Variants in EDAR observed in about 807,000 individuals in gnomAD.
The protein encoded by EDAR is tumor necrosis factor receptor superfamily member EDAR.
In EDAR, 38 loss-of-function variants were observed where a neutral mutation model predicts 51.3. The observed-to-expected ratio is 0.74, with a 90% CI of 0.57 to 0.97. The LOEUF (loss-of-function observed/expected upper bound fraction) is 0.97, where lower values mean the gene tolerates loss of function less well. EDAR is among the 50% of genes least tolerant of loss of function. The probability of loss-of-function intolerance (pLI) is 0.00; values close to 1 mark genes in which losing one functional copy is unlikely to be tolerated. For missense variants in EDAR, 528 were observed against 595.0 expected (o/e 0.89, Z 1.17); for synonymous variants, 227 against 242.1 (o/e 0.94, Z 0.58).
At chr2:108,918,454 TC>T (rs1316075274) in intron 5 of EDAR, among the ~76,000 whole-genome samples, 2 of 152,176 alleles carry the variant, frequency 1.3e-5, no homozygotes, top group Non-Finnish European at 1.5e-5. Flanking sequence ...CGGGTCCATC[TC>T]CCCTTGTACA....
chr2:108,914,509 G>A (rs1356762509), intron 5 of EDAR, among the ~76,000 whole-genome samples: 2 of 152,110 alleles, frequency 1.3e-5, no homozygotes, highest in Admixed American at 6.6e-5. Context: ...GTGACTTAGC[G>A]GGGATAAAAT....
chr2:108,957,077 G>A (rs1474049062), intron 1 of EDAR, among the ~76,000 whole-genome samples: 3 of 152,232 alleles, frequency 2.0e-5, no homozygotes, highest in East Asian at 1.9e-4. Flanking sequence ...GGCGTGAGCC[G>A]CCACGCCCAG....
chr2:108,950,508 A>T (rs1203974439), intron 1 of EDAR, among the ~76,000 whole-genome samples: 2 of 152,202 alleles, frequency 1.3e-5, no homozygotes, highest in Non-Finnish European at 2.9e-5. Flanking sequence ...ACAAGGCCAG[A>T]TCAACCAGGG....
At chr2:108,905,110 A>C (rs1696775602) in intron 11 of EDAR, among the ~76,000 whole-genome samples, 1 of 152,196 alleles carries the variant, frequency 6.6e-6, no homozygotes, top group African/African-American at 2.4e-5. Context: ...TAATTACATC[A>C]GGGTGTTTGG....
At chr2:108,925,031 C>A (rs1467248799) in intron 4 of EDAR, among the ~76,000 whole-genome samples, 1 of 152,244 alleles carries the variant, frequency 6.6e-6, no homozygotes, top group Non-Finnish European at 1.5e-5. Context: ...GCCCTTGCCT[C>A]CTCCACCTTT....
intron 1 of EDAR, among the ~76,000 whole-genome samples, chr2:108,966,912 C>T (rs1330757930): frequency 6.6e-6 from 1 of 152,110 alleles, no homozygotes; most frequent in Non-Finnish European, 1.5e-5. Flanking sequence ...GGGGTTTGTC[C>T]CAAAGACCAG....
chr2:108,985,388 G>A (rs754147330), intron 1 of EDAR, among the ~76,000 whole-genome samples: 16 of 152,368 alleles, frequency 1.1e-4, no homozygotes, highest in South Asian at 2.1e-4. Context: ...CTGATTGACC[G>A]TGAAGTGAGT....
intron 1 of EDAR, among the ~76,000 whole-genome samples, chr2:108,968,828 C>T (rs1296160367): frequency 6.6e-6 from 1 of 152,144 alleles, no homozygotes; most frequent in Admixed American, 6.5e-5. Flanking sequence ...TCTCCAGGGG[C>T]GTGTACCTGA....
In EDAR at chr2:108,912,719, G is replaced by A. The variant is rs910833939; in HGVS notation, c.488C>T (p.Ser163Leu). ...GAAGGGAGACAGGGTGCTGCTGCCC[G>A]AGGTGCCAGGGAAGTTGGCAGAAGC... ...SGASANFPGT[S>L]GSSTLSPFQH... Residue 163 changes from serine (S) to leucine (L), a missense_variant, in exon 6 of 12, where the codon TCG (serine) becomes TTG (leucine). Ser to Leu is a moderately radical substitution (Grantham distance 145). Transcript: ENST00000258443. 5.0e-6 allele frequency: 8 copies of A among 1,602,726 alleles called. No homozygotes were observed. The African/African-American group carries it at 6.7e-5, about 13-fold the overall frequency.
intron 5 of EDAR, among the ~76,000 whole-genome samples, chr2:108,921,327 G>T (rs921662937): frequency 4.6e-5 from 7 of 152,182 alleles, no homozygotes; most frequent in Non-Finnish European, 7.4e-5. Context: ...AGCTCTCCTA[G>T]GTGGGTGTCA....
rs572279910 is a variant in EDAR, at chr2:108,966,930, T to C, written c.-19+22030A>G. On this transcript the variant is annotated intron_variant, in intron 1 of 11. Coordinates refer to ENST00000258443, the MANE Select transcript of EDAR (RefSeq NM_022336.4). The stretch of plus-strand genomic sequence containing the variant: ...GTTTGTCCCAAAGACCAGCCAATTG[T>C]GCATGGGTTTGTTTGTTTGTTTGAG... Among the ~76,000 whole-genome samples, 4 of 152,212 alleles carry C rather than the reference T, an allele frequency of 2.6e-5. No homozygotes were observed. The South Asian group carries it at 6.2e-4, about 24-fold the overall frequency.
At chr2:108,936,907 C>A (rs889662729) in intron 1 of EDAR, among the ~76,000 whole-genome samples, 7 of 152,226 alleles carry the variant, frequency 4.6e-5, no homozygotes, top group African/African-American at 1.7e-4. Flanking sequence ...GCCTTGCCAG[C>A]CTGAAGTCCT....
intron 1 of EDAR, among the ~76,000 whole-genome samples, chr2:108,943,039 A>T (rs575676330): frequency 2.0e-5 from 3 of 152,354 alleles, no homozygotes; most frequent in South Asian, 2.1e-4. Flanking sequence ...GGCTATAAAT[A>T]ACCATTACAT....
At chr2:108,949,050 TCA>T (rs964462947) in intron 1 of EDAR, among the ~76,000 whole-genome samples, 1 of 152,178 alleles carries the variant, frequency 6.6e-6, no homozygotes, top group African/African-American at 2.4e-5. Context: ...AATCATGGCT[TCA>T]CTGCAGTCTC....
chr2:108,961,005 C>T (rs1032777263), intron 1 of EDAR, among the ~76,000 whole-genome samples: 6 of 152,290 alleles, frequency 3.9e-5, no homozygotes, highest in East Asian at 3.9e-4. Flanking sequence ...TAATTATTTC[C>T]TTACAATAGA....
At position 108,907,979 on chromosome 2, in the gene EDAR, G is replaced by C. The variant is rs781652310; in HGVS notation, c.844C>G (p.Arg282Gly). Residue 282 changes from arginine to glycine, a missense_variant, in exon 10 of 12, where the codon CGG (arginine) becomes GGG (glycine). Transcript: ENST00000258443. ...ASSENEQLLS[R>G]SVDSDEEPAP... ...GGCTCCTCATCACTGTCGACGCTCC[G>C]GCTCAGCAGCTGCTCATTCTCGGAT... 3 of 1,612,010 alleles carry C rather than the reference G, an allele frequency of 1.9e-6. No homozygotes were observed. The African/African-American group carries it at 4.0e-5, about 22-fold the overall frequency.
At position 108,906,382 on chromosome 2, in the gene EDAR, T is replaced by A. The variant is rs776790143; in HGVS notation, c.964-14A>T. The A allele has an allele frequency of 1.4e-5, 23 of 1,613,752 alleles. No homozygotes were observed. Among genetic ancestry groups the A allele is most frequent in the Admixed American group, 5.0e-5 (3 of 59,984 alleles). On this transcript the variant is annotated splice_polypyrimidine_tract_variant and intron_variant, in intron 10 of 11. Coordinates refer to ENST00000258443, the MANE Select transcript of EDAR (RefSeq NM_022336.4). ...CCGGCTTTGAATCTGTGAAAAAGAG[T>A]CGAGAATTTTCATCTCCAGAAAGGG...
chr2:108,985,582 AGT>A (rs1259391486), intron 1 of EDAR, among the ~76,000 whole-genome samples: 1 of 152,278 alleles, frequency 6.6e-6, no homozygotes, highest in Admixed American at 6.5e-5. Context: ...GCATTTCCAG[AGT>A]GTGTCTGGGC....
intron 1 of EDAR, among the ~76,000 whole-genome samples, chr2:108,936,240 T>C (rs1345593548): frequency 6.6e-6 from 1 of 152,242 alleles, no homozygotes; most frequent in Non-Finnish European, 1.5e-5. Context: ...GCAGGCCTGA[T>C]GGTTCGGAGT....
Sources: allele counts gnomAD v4.1 joint callset (sites outside exome capture counted in the v4.1 genomes callset), GRCh38; gene constraint gnomAD v4.1.1; transcripts MANE v1.5; gene names NCBI Gene and HGNC (gene_info 2026-07-23, HGNC 2026-07-21).